The following CCDC178 variants were observed in gnomAD, a reference collection of about 807,000 sequenced individuals.
CCDC178 encodes the protein coiled-coil domain-containing protein 178.
Under a neutral mutation model 117.4 loss-of-function variants are expected in CCDC178, and 126 were observed. That is an observed-to-expected ratio of 1.07 (90% CI 0.93 to 1.24). CCDC178 has a LOEUF of 1.24. CCDC178 is among the 50% of genes most tolerant of loss of function. The probability of loss-of-function intolerance (pLI) is 0.00; values close to 1 mark genes in which losing one functional copy is unlikely to be tolerated. For missense variants in CCDC178, 1,030 were observed against 986.9 expected (o/e 1.04, Z -0.59); for synonymous variants, 283 against 313.4 (o/e 0.90, Z 1.02).
intron 22 of CCDC178, among the ~76,000 whole-genome samples, chr18:32,940,283 G>C (rs1316114424): frequency 6.6e-6 from 1 of 151,874 alleles, no homozygotes; most frequent in Non-Finnish European, 1.5e-5. Context: ...GTGAATGTTT[G>C]TATGAAGTCA....
chr18:33,355,512 AG>A (rs2063041367), intron 7 of CCDC178, among the ~76,000 whole-genome samples: 1 of 152,248 alleles, frequency 6.6e-6, no homozygotes, highest in Admixed American at 6.5e-5. Flanking sequence ...CTGCCCATGC[AG>A]ATCCTAAAGG....
At chr18:33,207,068 G>A (rs1413644845) in intron 20 of CCDC178, among the ~76,000 whole-genome samples, 1 of 152,140 alleles carries the variant, frequency 6.6e-6, no homozygotes. Context: ...GCTAGCATCT[G>A]TGAAACTATG....
intron 15 of CCDC178, among the ~76,000 whole-genome samples, chr18:33,244,817 A>G (rs1200625360): frequency 6.6e-6 from 1 of 151,918 alleles, no homozygotes; most frequent in Non-Finnish European, 1.5e-5. Flanking sequence ...TGTAGTCTAC[A>G]AATTTCCAGG....
At chr18:33,384,735 A>G (rs1017070978) in intron 5 of CCDC178, among the ~76,000 whole-genome samples, 4 of 152,164 alleles carry the variant, frequency 2.6e-5, no homozygotes, top group African/African-American at 9.7e-5. Flanking sequence ...GATAGGAAAA[A>G]CCATTATCAT....
At chr18:33,292,511 T>C (rs766492535) in intron 12 of CCDC178, among the ~76,000 whole-genome samples, 20 of 152,186 alleles carry the variant, frequency 1.3e-4, no homozygotes, top group Middle Eastern at 3.4e-3. Context: ...TCTTTAGCAC[T>C]GTAGAGTGAC....
chr18:33,062,564 A>G (rs1472969915), intron 21 of CCDC178, among the ~76,000 whole-genome samples: 1 of 152,214 alleles, frequency 6.6e-6, no homozygotes, highest in Non-Finnish European at 1.5e-5. Context: ...TGTGACGGAC[A>G]GAAAGGTAAG....
At chr18:33,084,531 G>A (rs1297637307) in intron 21 of CCDC178, among the ~76,000 whole-genome samples, 1 of 151,938 alleles carries the variant, frequency 6.6e-6, no homozygotes, top group East Asian at 1.9e-4. Context: ...TCGGATTAAC[G>A]GCCGAGCACA....
chr18:33,304,441 G>A (rs1599132959), intron 11 of CCDC178, among the ~76,000 whole-genome samples: 1 of 152,308 alleles, frequency 6.6e-6, no homozygotes, highest in Admixed American at 6.5e-5. Context: ...GCAAGAAAGA[G>A]AATGCTAGCA....
intron 20 of CCDC178, among the ~76,000 whole-genome samples, chr18:33,197,758 G>A (rs1568049550): frequency 1.3e-5 from 2 of 152,114 alleles, no homozygotes; most frequent in South Asian, 4.1e-4. Flanking sequence ...GGGAAATAAT[G>A]CAGAGATTTG....
intron 21 of CCDC178, among the ~76,000 whole-genome samples, chr18:33,044,543 G>A (rs1165660964): frequency 6.6e-6 from 1 of 151,900 alleles, no homozygotes; most frequent in Non-Finnish European, 1.5e-5. Flanking sequence ...TGTTGACGAT[G>A]TGGAGAAAAG....
intron 5 of CCDC178, among the ~76,000 whole-genome samples, chr18:33,373,161 T>C (rs1026161647): frequency 2.6e-5 from 4 of 152,174 alleles, no homozygotes; most frequent in African/African-American, 9.6e-5. Context: ...AAAACACCTT[T>C]CACTGACATT....
intron 20 of CCDC178, among the ~76,000 whole-genome samples, chr18:33,112,950 A>G (rs2057804193): frequency 6.6e-6 from 1 of 152,026 alleles, no homozygotes; most frequent in African/African-American, 2.4e-5. Flanking sequence ...TAACTTGGCT[A>G]ATCCCTAGGA....
At chr18:33,245,521 TTG>T (rs2059539946) in intron 14 of CCDC178, 93 bp from the exon 15 acceptor site, 2 of 1,204,224 alleles carry the variant, frequency 1.7e-6, no homozygotes, top group Admixed American at 7.6e-5. Context: ...ATATTTTATG[TTG>T]TCAAAAATAC....
chr18:33,201,105 G>T (rs554863645), intron 20 of CCDC178, among the ~76,000 whole-genome samples: 1 of 152,300 alleles, frequency 6.6e-6, no homozygotes, highest in South Asian at 2.1e-4. Flanking sequence ...AGGCTCACAG[G>T]AGTGAGGTAT....
intron 2 of CCDC178, among the ~76,000 whole-genome samples, chr18:33,430,817 A>T (rs2064204341): frequency 6.6e-6 from 1 of 150,846 alleles, no homozygotes; most frequent in South Asian, 2.1e-4. Context: ...TCATGCCTGT[A>T]ATCCCAGCAC....
chr18:33,045,708 T>C (rs577236730), intron 21 of CCDC178, among the ~76,000 whole-genome samples: 61 of 152,318 alleles, frequency 4.0e-4, no homozygotes, highest in Middle Eastern at 3.4e-3. Context: ...ATGCATTACT[T>C]TCACTTACAA....
intron 20 of CCDC178, among the ~76,000 whole-genome samples, chr18:33,154,909 A>T (rs752601606): frequency 3.8e-4 from 58 of 152,182 alleles, no homozygotes; most frequent in Non-Finnish European, 6.5e-4. Flanking sequence ...CAACAGAACT[A>T]AACAAATCTA....
At chr18:33,082,370 G>C (rs1446763947) in intron 21 of CCDC178, among the ~76,000 whole-genome samples, 1 of 152,138 alleles carries the variant, frequency 6.6e-6, no homozygotes, top group Admixed American at 6.5e-5. Flanking sequence ...TACTCAGGGG[G>C]CTGAGGTGGG....
chr18:33,400,651 T>C (rs1279208641), intron 3 of CCDC178, among the ~76,000 whole-genome samples: 1 of 152,182 alleles, frequency 6.6e-6, no homozygotes, highest in Admixed American at 6.5e-5. Flanking sequence ...TGCTCTTGAT[T>C]AAGCTTTTGT....
Sources: gnomAD v4.1 joint callset for allele counts (sites outside exome capture counted in the v4.1 genomes callset) on GRCh38, gnomAD v4.1.1 for gene constraint, MANE v1.5 for transcripts, NCBI Gene and HGNC (gene_info 2026-07-23, HGNC 2026-07-21) for gene names.